Variants in MGAT5B observed in about 807,000 individuals in gnomAD.
MGAT5B encodes the protein alpha-1,6-mannosylglycoprotein 6-beta-N-acetylglucosaminyltransferase B, also known as N-acetylglucosaminyl-transferase Vb.
MGAT5B carries 54 observed loss-of-function variants against 95.1 expected under a neutral mutation model. That is an observed-to-expected ratio of 0.57 (90% CI 0.46 to 0.71). The LOEUF (loss-of-function observed/expected upper bound fraction) is 0.71, where lower values mean the gene tolerates loss of function less well. Among genes scored for constraint, MGAT5B ranks in the 30% least tolerant of loss-of-function variants. The pLI is 0.00. For synonymous variants in MGAT5B, 464 were observed against 451.0 expected (o/e 1.03, Z -0.36); for missense variants, 935 against 1,088.6 (o/e 0.86, Z 1.99).
intron 3 of MGAT5B, among the ~76,000 whole-genome samples, chr17:76,888,822 A>G (rs1295065905): frequency 6.6e-6 from 1 of 152,296 alleles, no homozygotes; most frequent in Non-Finnish European, 1.5e-5. Flanking sequence ...CGTTGGTGGT[A>G]TAGTGGTGAG....
chr17:76,917,967 G>A lies in MGAT5B; in HGVS notation c.1026-6999G>A, dbSNP rs919363323. Among the ~76,000 whole-genome samples, 4 of 152,158 alleles carry A rather than the reference G, an allele frequency of 2.6e-5. No individual in the cohort carries two copies. Among genetic ancestry groups the A allele is most frequent in the Non-Finnish European group, 4.4e-5 (3 of 68,038 alleles). Reference sequence around the variant, plus strand: ...GAGGACTGGGAACGACCGGAGGGCCGAGTTCCCGTTCCTCTTCCTGCAGCC... The same window carrying A: ...GAGGACTGGGAACGACCGGAGGGCCAAGTTCCCGTTCCTCTTCCTGCAGCC... On this transcript the variant is annotated intron_variant, in intron 8 of 17. Transcript: ENST00000569840. This position sits in a 1 kb window ranked among gnomAD's most constrained non-coding sequence, Gnocchi z 6.1.
chr17:76,868,987 G>C lies in MGAT5B; in HGVS notation c.-43G>C, dbSNP rs1190172918. 3 of 1,595,620 alleles carry C rather than the reference G, an allele frequency of 1.9e-6. No homozygotes were observed. The Admixed American group carries it at 5.0e-5, about 27-fold the overall frequency. ...GCGAGAGCTGGGCCCAGGACGGTGCGTCCGGCCTCGCCCGCGGCTGCTCGC... is the reference window on the plus strand; with the variant it reads ...GCGAGAGCTGGGCCCAGGACGGTGCCTCCGGCCTCGCCCGCGGCTGCTCGC... On this transcript the variant is annotated 5_prime_UTR_variant, in exon 1 of 18. Transcript: ENST00000569840. The surrounding 1 kb of genome is among the most constrained non-coding windows in gnomAD (Gnocchi z 6.3).
rs1411030530 is a variant in MGAT5B at position 76,904,414 on chromosome 17, A to G, written c.682A>G (p.Lys228Glu). ...CCAGAGGGCACCCAAGCCCCTCCCCAAAGTCCAGGTGGGCCTGGGAGGTGG... is the reference window on the plus strand; with the variant it reads ...CCAGAGGGCACCCAAGCCCCTCCCCGAAGTCCAGGTGGGCCTGGGAGGTGG... ...AAQRAPKPLPKVQAVFRSNLS... is the reference protein window; with the variant it reads ...AAQRAPKPLPEVQAVFRSNLS... The change falls in exon 6 of 18, where the codon AAA (lysine) becomes GAA (glutamate). Residue 228 changes from lysine to glutamate, a missense_variant. Transcript: ENST00000569840. 6.4e-6 allele frequency: 10 copies of G among 1,557,742 alleles called. No homozygotes were observed. Among genetic ancestry groups the G allele is most frequent in the South Asian group, 2.4e-5 (2 of 84,588 alleles).
chr17:76,915,638 T>C lies in MGAT5B; in HGVS notation c.1026-9328T>C, dbSNP rs1968903307. On this transcript the variant is annotated intron_variant, in intron 8 of 17. Coordinates refer to ENST00000569840, the MANE Select transcript of MGAT5B (RefSeq NM_001199172.2). The surrounding 1 kb of genome is among the most constrained non-coding windows in gnomAD (Gnocchi z 8.7). The stretch of plus-strand genomic sequence containing the variant: ...TGGATGCTTGGAATATTTTGTAACT[T>C]ATAAGCACACAGATTAGGAAAAGGT... Among the ~76,000 whole-genome samples, 1 of 152,132 alleles carries C rather than the reference T, an allele frequency of 6.6e-6. No individual in the cohort carries two copies. Among genetic ancestry groups the C allele is most frequent in the African/African-American group, 2.4e-5 (1 of 41,428 alleles).
At chr17:76,884,529 G>T (rs1568167248) in intron 3 of MGAT5B, among the ~76,000 whole-genome samples, 3 of 151,988 alleles carry the variant, frequency 2.0e-5, no homozygotes, top group Non-Finnish European at 2.9e-5. Context: ...CGCCTCCTGG[G>T]TTCGAGCAAT....
chr17:76,881,995 G>A (rs939828009), intron 2 of MGAT5B, among the ~76,000 whole-genome samples, 156 bp from the exon 3 acceptor site: 6 of 152,226 alleles, frequency 3.9e-5, no homozygotes, highest in Admixed American at 1.3e-4. Context: ...AAAAGGGTCA[G>A]CAGTGCCTGG....
chr17:76,882,622 A>G, intron 3 of MGAT5B: 3 of 238,028 alleles, frequency 1.3e-5, no homozygotes, highest in Non-Finnish European at 8.0e-6. Flanking sequence ...CATATGTTTA[A>G]CACACACACA....
chr17:76,907,070 T>A (rs524637), intron 8 of MGAT5B, among the ~76,000 whole-genome samples: 19,779 of 151,274 alleles, frequency 0.13, 1,655 homozygotes, highest in African/African-American at 0.21. Context: ...TTTTTTTTTT[T>A]AATGGAGTTT....
In MGAT5B at chr17:76,940,941, T is replaced by G. The variant is rs1419429922; in HGVS notation, c.1848+93T>G. 2 of 1,078,292 alleles carry G rather than the reference T, an allele frequency of 1.9e-6. No homozygotes were observed. The highest frequency in any genetic ancestry group is 2.8e-6 in the Non-Finnish European group (2 of 726,430). 66.8% of individuals were successfully genotyped at this position (1,078,292 alleles called of 1,614,324 possible). A position where few individuals can be genotyped will look rare whatever the true frequency, so the allele number is the denominator to read the frequency against. On this transcript the variant is annotated intron_variant, in intron 15 of 17. Transcript: ENST00000569840. The surrounding 1 kb of genome is among the most constrained non-coding windows in gnomAD (Gnocchi z 4.3). ...AAACGGTGCCCCCCTCTGGGTGAGT[T>G]CAGACTTGCAGGCCTGGGTTGGCAA...
rs1386347919 is a variant in MGAT5B at position 76,924,977 on chromosome 17, T to C, written c.1037T>C (p.Val346Ala). 1 of 1,611,866 alleles carries C rather than the reference T, an allele frequency of 6.2e-7. No individual in the cohort carries two copies. Among genetic ancestry groups the C allele is most frequent in the Non-Finnish European group, 8.5e-7 (1 of 1,179,442 alleles). ...GGCTCTTCTCTCAGTAACTTAGGGGTACCGCCAGGCCGGGGAAGCTGCCCG... is the reference window on the plus strand; with the variant it reads ...GGCTCTTCTCTCAGTAACTTAGGGGCACCGCCAGGCCGGGGAAGCTGCCCG... ...SLKELQSNLG[V>A]PPGRGSCPLT... Residue 346 changes from valine (V) to alanine (A), a missense_variant, in exon 9 of 18, where the codon GTA (valine) becomes GCA (alanine). Physicochemically the swap from Val to Ala is moderately conservative, Grantham distance 64. Around this residue, in one of 4 missense-constraint regions of MGAT5B, gnomAD observed 243 missense variants for 305.5 expected, o/e 0.80. Transcript: ENST00000569840.
At chr17:76,883,030 A>T (rs2088240211) in intron 3 of MGAT5B, among the ~76,000 whole-genome samples, 1 of 147,552 alleles carries the variant, frequency 6.8e-6, no homozygotes, top group Non-Finnish European at 1.5e-5. Flanking sequence ...TTTTTGAGAC[A>T]CTCTTACTCT....
Position 76,930,870 on chromosome 17 carries a change from C to T in MGAT5B, c.1292-1775C>T, listed in dbSNP as rs1163919242. Among the ~76,000 whole-genome samples, 2 of 152,088 alleles carry T rather than the reference C, an allele frequency of 1.3e-5. No homozygotes were observed. Among genetic ancestry groups the T allele is most frequent in the East Asian group, 1.9e-4 (1 of 5,196 alleles). ...AGGAGGTGTCGTGTGAGAGGGGCCC[C>T]GAAGGCTGAGTAGAATTTCCTCATC... On this transcript the variant is annotated intron_variant, in intron 10 of 17. Transcript: ENST00000569840. This position sits in a 1 kb window ranked among gnomAD's most constrained non-coding sequence, Gnocchi z 4.1.
At chr17:76,947,378 G>T in intron 16 of MGAT5B, among the ~76,000 whole-genome samples, 1 of 152,198 alleles carries the variant, frequency 6.6e-6, no homozygotes, top group East Asian at 1.9e-4. Flanking sequence ...ACTGGACCCA[G>T]ACTGGAAGCT....
chr17:76,944,468 G>T (rs1392137299), intron 15 of MGAT5B, among the ~76,000 whole-genome samples: 2 of 152,218 alleles, frequency 1.3e-5, no homozygotes, highest in Non-Finnish European at 2.9e-5. Context: ...GGGGCTCAGA[G>T]GCTCCCAGGA....
At chr17:76,933,355 C>G in intron 12 of MGAT5B, 58 bp downstream of exon 12, 2 of 1,591,960 alleles carry the variant, frequency 1.3e-6, no homozygotes, top group South Asian at 2.2e-5. Context: ...CCCTCTCCAG[C>G]AGCCACTCCA....
At chr17:76,924,621 A>G (rs1053117880) in intron 8 of MGAT5B, among the ~76,000 whole-genome samples, 2 of 152,192 alleles carry the variant, frequency 1.3e-5, no homozygotes, top group East Asian at 1.9e-4. Context: ...GCCAGCATCC[A>G]TGGGATTTGT....
At chr17:76,944,934 C>T (rs532854653) in intron 15 of MGAT5B, among the ~76,000 whole-genome samples, 1 of 152,174 alleles carries the variant, frequency 6.6e-6, no homozygotes, top group Admixed American at 6.5e-5. Flanking sequence ...TGGCTAAAGA[C>T]GGGAAAGCGG....
Position 76,914,136 on chromosome 17 carries a change from A to T in MGAT5B, c.1025+7949A>T, listed in dbSNP as rs1381252020. ...GAAGAAGAAGAAGAAAGAAAGAAGGAAAGAAGGAAGGAAGGAGAGAGAGAA... is the reference window on the plus strand; with the variant it reads ...GAAGAAGAAGAAGAAAGAAAGAAGGTAAGAAGGAAGGAAGGAGAGAGAGAA... On this transcript the variant is annotated intron_variant, in intron 8 of 17. Coordinates refer to ENST00000569840, the MANE Select transcript of MGAT5B (RefSeq NM_001199172.2). This position sits in a 1 kb window ranked among gnomAD's most constrained non-coding sequence, Gnocchi z 5.1. 1 of 178,724 alleles carries T rather than the reference A, an allele frequency of 5.6e-6. No homozygotes were observed. Among genetic ancestry groups the T allele is most frequent in the Admixed American group, 5.7e-5 (1 of 17,578 alleles). The allele number at this position is 178,724 out of a possible 1,614,324, so 11.1% of individuals were successfully genotyped here.
chr17:76,944,670 G>A (rs781369758), intron 15 of MGAT5B, among the ~76,000 whole-genome samples: 33 of 152,290 alleles, frequency 2.2e-4, no homozygotes, highest in Non-Finnish European at 1.2e-4. Context: ...GAATACCCAC[G>A]CACAGTGCAG....
Sources: gnomAD v4.1 joint callset for allele counts (sites outside exome capture counted in the v4.1 genomes callset) on GRCh38, gnomAD v4.1.1 for gene constraint, gnomAD v4.1.1 regional missense constraint, Gnocchi (gnomAD v3.1) non-coding constraint, MANE v1.5 for transcripts, NCBI Gene and HGNC (gene_info 2026-07-23, HGNC 2026-07-21) for gene names.